The following STAP1 variants were observed in gnomAD, a reference collection of about 807,000 sequenced individuals.
STAP1 encodes the protein signal transducing adaptor family member 1.
A neutral mutation model predicts 37.8 loss-of-function variants in STAP1; 30 were observed. The ratio of observed to expected loss-of-function variants is 0.79; its 90% CI spans 0.59 to 1.08. The LOEUF (loss-of-function observed/expected upper bound fraction) is 1.08, where lower values mean the gene tolerates loss of function less well. STAP1 is among the 50% of genes least tolerant of loss of function. The pLI, the probability that STAP1 is intolerant of heterozygous loss-of-function variation, is 0.00. For missense variants in STAP1, 357 were observed against 349.4 expected, an observed-to-expected ratio of 1.02 and a Z score of -0.17; for synonymous variants, 130 against 116.0, an observed-to-expected ratio of 1.12 and a Z score of -0.78.
intron 8 of STAP1, among the ~76,000 whole-genome samples, chr4:67,598,031 C>T (rs1728262066): frequency 6.6e-6 from 1 of 152,100 alleles, no homozygotes; most frequent in Non-Finnish European, 1.5e-5. Context: ...TATGGTTTGG[C>T]TCTGTGTCCT....
chr4:67,583,343 T>C (rs977581983), intron 5 of STAP1, among the ~76,000 whole-genome samples: 2 of 152,212 alleles, frequency 1.3e-5, no homozygotes, highest in Non-Finnish European at 1.5e-5. Context: ...TCTCTTTGTA[T>C]AAAAAGGCTT....
intron 1 of STAP1, among the ~76,000 whole-genome samples, chr4:67,565,039 C>T (rs1727435579): frequency 1.3e-5 from 2 of 152,166 alleles, no homozygotes; most frequent in Admixed American, 6.5e-5. Flanking sequence ...AACAGGAGAG[C>T]CTTGATTTAC....
chr4:67,566,502 C>T (rs1011181867), intron 1 of STAP1, among the ~76,000 whole-genome samples: 12 of 152,174 alleles, frequency 7.9e-5, no homozygotes, highest in African/African-American at 2.7e-4. Flanking sequence ...CTTGGAGGCC[C>T]TTTGCCACAT....
chr4:67,591,083 AG>A, intron 7 of STAP1, 130 bp downstream of exon 7: 1 of 474,816 alleles, frequency 2.1e-6, no homozygotes, highest in Non-Finnish European at 3.6e-6. Flanking sequence ...AGTGAGATTC[AG>A]GAACAGGTGG....
chr4:67,591,764 G>A lies in STAP1; in HGVS notation c.729+811G>A, dbSNP rs934910227. On this transcript the variant is annotated intron_variant, in intron 7 of 8. Transcript: ENST00000265404. The stretch of plus-strand genomic sequence containing the variant: ...GTGTGGTTGAATTTTTTATATTTTG[G>A]TCATAATTCTTAGAGAGCAAGGTAG... Among the ~76,000 whole-genome samples, 3 of 152,248 alleles carry A rather than the reference G, an allele frequency of 2.0e-5. No homozygotes were observed. The South Asian group carries it at 6.2e-4, about 32-fold the overall frequency.
Position 67,590,943 on chromosome 4 carries a change from T to C in STAP1, c.719T>C (p.Leu240Pro), listed in dbSNP as rs1728107422. The C allele has an allele frequency of 1.2e-6, 2 of 1,610,718 alleles. No individual in the cohort carries two copies. The highest frequency in any genetic ancestry group is 1.7e-6 in the Non-Finnish European group (2 of 1,178,168). ...MSVGQNYTIE[L>P]EKPVTLPNLF... ...GTAGGACAAAACTACACTATTGAAC[T>C]GGAAAAACCTGTAAGTAACTATTTT... The change falls in exon 7 of 9, where the codon CTG becomes CCG. Residue 240 changes from leucine to proline, a missense_variant. Physicochemically the swap from Leu to Pro is moderately conservative, Grantham distance 98. Coordinates refer to ENST00000265404, the MANE Select transcript of STAP1 (RefSeq NM_012108.4).
At chr4:67,601,701 G>A (rs1728345815) in intron 8 of STAP1, among the ~76,000 whole-genome samples, 1 of 152,182 alleles carries the variant, frequency 6.6e-6, no homozygotes, top group African/African-American at 2.4e-5. Flanking sequence ...TTTCCACTGA[G>A]AAGTCTGCTG....
In STAP1 at chr4:67,593,242, C is replaced by G; in HGVS notation, c.730-18C>G. The G allele has an allele frequency of 6.3e-7, 1 of 1,575,958 alleles. No homozygotes were observed. Among genetic ancestry groups the G allele is most frequent in the East Asian group, 2.3e-5 (1 of 44,390 alleles). On this transcript the variant is annotated intron_variant, in intron 7 of 8. Transcript: ENST00000265404. ...ATGCAGGTGATGCTGAGTTTTCTCT[C>G]ACTCTCTATTAATACAGGTAACACT...
chr4:67,596,527 A>G (rs917897719), intron 8 of STAP1, among the ~76,000 whole-genome samples: 20 of 152,200 alleles, frequency 1.3e-4, no homozygotes, highest in Non-Finnish European at 2.9e-4. Context: ...AAGATGTGGG[A>G]AAGTTTGGAA....
chr4:67,583,711 AT>A lies in STAP1; in HGVS notation c.659+17del, dbSNP rs768861694. 56 of 1,605,452 alleles carry A rather than the reference AT, an allele frequency of 3.5e-5. No homozygotes were observed. The South Asian group carries it at 4.0e-4, about 12-fold the overall frequency. ...ATTCGGCAGGAGATAGAGTATGTTT[AT>A]TTTTTTTAAATGTATGGAATTTTTA... On this transcript the variant is annotated intron_variant, in intron 6 of 8. Coordinates refer to ENST00000265404, the MANE Select transcript of STAP1 (RefSeq NM_012108.4).
intron 1 of STAP1, among the ~76,000 whole-genome samples, chr4:67,567,814 C>T (rs1363630518): frequency 2.6e-5 from 4 of 152,210 alleles, no homozygotes; most frequent in South Asian, 2.1e-4. Context: ...TTCCTGCCTT[C>T]CCAGCTAAGA....
At chr4:67,562,702 G>T (rs1447060010) in intron 1 of STAP1, among the ~76,000 whole-genome samples, 2 of 151,872 alleles carry the variant, frequency 1.3e-5, no homozygotes, top group Non-Finnish European at 2.9e-5. Context: ...AACCCAGGAG[G>T]CGGAGCTTGC....
chr4:67,603,950 C>T lies in STAP1; in HGVS notation c.827-2346C>T, dbSNP rs77097596. On this transcript the variant is annotated intron_variant, in intron 8 of 8. Coordinates refer to ENST00000265404, the MANE Select transcript of STAP1 (RefSeq NM_012108.4). ...GCACAGCACAGGACTTGCCCAGGACCCTCAGTGTTTGTGGCCTAAACTGCC... is the reference window on the plus strand; with the variant it reads ...GCACAGCACAGGACTTGCCCAGGACTCTCAGTGTTTGTGGCCTAAACTGCC... Among the ~76,000 whole-genome samples the T allele has an allele frequency of 6.4e-3, 967 of 152,250 alleles. 12 individuals are homozygous for T. The highest frequency in any genetic ancestry group is 0.022 in the African/African-American group (927 of 41,538).
chr4:67,581,288 CTT>C lies in STAP1; in HGVS notation c.364-14_364-13del, dbSNP rs1391325415. 6.2e-7 allele frequency: 1 copy of C among 1,607,738 alleles called. No individual in the cohort carries two copies. Among genetic ancestry groups the C allele is most frequent in the Non-Finnish European group, 8.5e-7 (1 of 1,177,628 alleles). ...TAAGCTGTTTTCTTGCCTGCCTACT[CTT>C]TTAATTGGTTTCAGCTGTCAGTTCC... On this transcript the variant is annotated splice_polypyrimidine_tract_variant and intron_variant, in intron 4 of 8. Coordinates refer to ENST00000265404, the MANE Select transcript of STAP1 (RefSeq NM_012108.4).
intron 6 of STAP1, among the ~76,000 whole-genome samples, chr4:67,589,861 G>A (rs369813377): frequency 2.0e-5 from 3 of 151,792 alleles, no homozygotes; most frequent in East Asian, 3.9e-4. Flanking sequence ...CTAGAATGCA[G>A]CGGCACCATC....
chr4:67,600,564 G>A (rs927742304), intron 8 of STAP1, among the ~76,000 whole-genome samples: 1 of 152,028 alleles, frequency 6.6e-6, no homozygotes, highest in African/African-American at 2.4e-5. Flanking sequence ...TTGATTTTCT[G>A]TCTGGCTGAA....
At chr4:67,579,795 G>A (rs1204784286) in intron 4 of STAP1, among the ~76,000 whole-genome samples, 2 of 152,102 alleles carry the variant, frequency 1.3e-5, no homozygotes, top group Non-Finnish European at 2.9e-5. Flanking sequence ...TCCAACACTG[G>A]GGCTAATTTA....
At chr4:67,600,199 T>C (rs1305912053) in intron 8 of STAP1, among the ~76,000 whole-genome samples, 1 of 152,188 alleles carries the variant, frequency 6.6e-6, no homozygotes, top group Admixed American at 6.5e-5. Context: ...GTCTCTTGAA[T>C]TGCCATTTTG....
At chr4:67,569,629 T>TAAAAAAAGCTTA in intron 1 of STAP1, among the ~76,000 whole-genome samples, 1 of 152,198 alleles carries the variant, frequency 6.6e-6, no homozygotes, top group Middle Eastern at 3.2e-3. Flanking sequence ...TTTTACTTTT[T>TAAAAAAAGCTTA]AAGCTTTTTG....
Sources: gnomAD v4.1 joint callset for allele counts (sites outside exome capture counted in the v4.1 genomes callset) on GRCh38, gnomAD v4.1.1 for gene constraint, MANE v1.5 for transcripts, NCBI Gene and HGNC (gene_info 2026-07-23, HGNC 2026-07-21) for gene names.